Variants in SLC25A31 observed in about 807,000 individuals in gnomAD.
SLC25A31 encodes ADP/ATP translocase 4.
Under a neutral mutation model 36.2 loss-of-function variants are expected in SLC25A31, and 40 were observed. The observed-to-expected ratio is 1.10, with a 90% CI of 0.86 to 1.44. The LOEUF (loss-of-function observed/expected upper bound fraction) is 1.44. Among genes scored for constraint, SLC25A31 ranks in the 40% most tolerant of loss-of-function variants. The pLI, the probability that SLC25A31 is intolerant of heterozygous loss-of-function variation, is 0.00. For missense variants in SLC25A31, 350 were observed against 397.1 expected (o/e 0.88, Z 1.01); for synonymous variants, 143 against 149.7 (o/e 0.96, Z 0.32).
intron 1 of SLC25A31, among the ~76,000 whole-genome samples, chr4:127,734,899 G>A (rs35591965): frequency 0.18 from 27,363 of 151,998 alleles, 3,151 homozygotes; most frequent in Middle Eastern, 0.34. Context: ...GACATTAAGG[G>A]ATCCTGAAAA....
chr4:127,735,332 G>A (rs993415762), intron 1 of SLC25A31, among the ~76,000 whole-genome samples: 2 of 152,150 alleles, frequency 1.3e-5, no homozygotes, highest in African/African-American at 4.8e-5. Context: ...TTAGCAAGAT[G>A]TTTGAAAATA....
At chr4:127,772,693 T>A (rs1732385416) in intron 5 of SLC25A31, among the ~76,000 whole-genome samples, 1 of 152,122 alleles carries the variant, frequency 6.6e-6, no homozygotes, top group Admixed American at 6.5e-5. Flanking sequence ...CTTAAAAATT[T>A]AGGTAAGAGG....
intron 2 of SLC25A31, among the ~76,000 whole-genome samples, chr4:127,754,537 T>TA (rs35065040): frequency 4.4e-4 from 64 of 146,130 alleles, no homozygotes; most frequent in South Asian, 8.6e-4. Flanking sequence ...ACAATAGCTT[T>TA]AAAAAAAAAA....
Position 127,765,681 on chromosome 4 carries a change from T to C in SLC25A31, c.478+1321T>C, listed in dbSNP as rs28637613. Among the ~76,000 whole-genome samples, 577 of 152,096 alleles carry C rather than the reference T, an allele frequency of 3.8e-3. 3 individuals carry two copies. Among genetic ancestry groups the C allele is most frequent in the Middle Eastern group, 0.01 (3 of 294 alleles). Reference sequence around the variant, plus strand: ...GTCTAGTGGAGGACACAAGTAATAATAAATGAATAAATGACTAAAATATAT... The same window carrying C: ...GTCTAGTGGAGGACACAAGTAATAACAAATGAATAAATGACTAAAATATAT... On this transcript the variant is annotated intron_variant, in intron 3 of 5. Coordinates refer to ENST00000281154, the MANE Select transcript of SLC25A31 (RefSeq NM_031291.4).
chr4:127,770,937 GTTC>G (rs1200445399), intron 5 of SLC25A31, among the ~76,000 whole-genome samples: 7 of 131,430 alleles, frequency 5.3e-5, no homozygotes, highest in Non-Finnish European at 8.0e-5. Flanking sequence ...TTCCTCCTCT[GTTC>G]TTCTTCTTCT....
chr4:127,761,320 A>C (rs1028089445), intron 2 of SLC25A31, among the ~76,000 whole-genome samples: 3 of 152,218 alleles, frequency 2.0e-5, no homozygotes, highest in Admixed American at 2.0e-4. Flanking sequence ...GAAAGAAAAA[A>C]AGATTAAGTA....
rs894204627 is a variant in SLC25A31 at position 127,747,063 on chromosome 4, G to A, written c.360+2264G>A. ...CTCATTGCTTGTTTTTGTCAGCTTTGTCAAAGATTAGATGACTGTAGATGT... is the reference window on the plus strand; with the variant it reads ...CTCATTGCTTGTTTTTGTCAGCTTTATCAAAGATTAGATGACTGTAGATGT... On this transcript the variant is annotated intron_variant, in intron 2 of 5. Coordinates refer to ENST00000281154, the MANE Select transcript of SLC25A31 (RefSeq NM_031291.4). Among the ~76,000 whole-genome samples, 3 of 152,116 alleles carry A rather than the reference G, an allele frequency of 2.0e-5. No individual in the cohort carries two copies. The East Asian group carries it at 5.8e-4, about 29-fold the overall frequency.
At chr4:127,759,486 T>C (rs1732089301) in intron 2 of SLC25A31, among the ~76,000 whole-genome samples, 1 of 152,184 alleles carries the variant, frequency 6.6e-6, no homozygotes, top group Non-Finnish European at 1.5e-5. Context: ...GCTCTGGCTA[T>C]GACTTTCACC....
chr4:127,754,595 A>G (rs905205520), intron 2 of SLC25A31, among the ~76,000 whole-genome samples: 1 of 152,118 alleles, frequency 6.6e-6, no homozygotes, highest in African/African-American at 2.4e-5. Context: ...AAAGATCCAT[A>G]TACTGAAAAG....
At chr4:127,755,011 T>G (rs182641549) in intron 2 of SLC25A31, among the ~76,000 whole-genome samples, 2 of 152,178 alleles carry the variant, frequency 1.3e-5, no homozygotes, top group African/African-American at 4.8e-5. Flanking sequence ...GTCAGTTGAT[T>G]CTTGACAAAG....
intron 1 of SLC25A31, among the ~76,000 whole-genome samples, chr4:127,741,255 A>C (rs1352459314): frequency 6.6e-6 from 1 of 152,188 alleles, no homozygotes; most frequent in Admixed American, 6.5e-5. Flanking sequence ...AACTTAAGGT[A>C]CTATATTGAA....
intron 2 of SLC25A31, among the ~76,000 whole-genome samples, chr4:127,761,085 G>T (rs1732120054): frequency 6.6e-6 from 1 of 152,010 alleles, no homozygotes; most frequent in Admixed American, 6.6e-5. Context: ...TTACATAAAT[G>T]CAGGATCGTC....
At chr4:127,756,294 A>G (rs1732030044) in intron 2 of SLC25A31, among the ~76,000 whole-genome samples, 1 of 152,216 alleles carries the variant, frequency 6.6e-6, no homozygotes, top group African/African-American at 2.4e-5. Flanking sequence ...GTGACATGGA[A>G]TAACCAGCTA....
chr4:127,731,492 C>G (rs963614725), intron 1 of SLC25A31, among the ~76,000 whole-genome samples: 2 of 152,114 alleles, frequency 1.3e-5, no homozygotes, highest in African/African-American at 2.4e-5. Flanking sequence ...CACTTGAGCT[C>G]GAGCTCAGGA....
intron 2 of SLC25A31, among the ~76,000 whole-genome samples, chr4:127,755,409 T>C (rs575938561): frequency 6.6e-6 from 1 of 152,068 alleles, no homozygotes; most frequent in Non-Finnish European, 1.5e-5. Flanking sequence ...GGGGCTAATA[T>C]AAAAACTGTA....
chr4:127,738,988 G>C (rs1731685539), intron 1 of SLC25A31, among the ~76,000 whole-genome samples: 1 of 151,956 alleles, frequency 6.6e-6, no homozygotes, highest in South Asian at 2.1e-4. Context: ...TGAGCCTGTG[G>C]GTGTCATTAC....
chr4:127,734,580 AAAG>A (rs1731588973), intron 1 of SLC25A31, among the ~76,000 whole-genome samples: 1 of 150,388 alleles, frequency 6.6e-6, no homozygotes, highest in Non-Finnish European at 1.5e-5. Flanking sequence ...AAAAAAAAAA[AAAG>A]ATCCGTACAG....
At chr4:127,731,321 C>T (rs1731521249) in intron 1 of SLC25A31, among the ~76,000 whole-genome samples, 1 of 152,008 alleles carries the variant, frequency 6.6e-6, no homozygotes, top group Admixed American at 6.5e-5. Flanking sequence ...TCTGCTTATT[C>T]TACTGAAGAC....
intron 5 of SLC25A31, among the ~76,000 whole-genome samples, chr4:127,770,178 A>T (rs10026828): frequency 0.04 from 6,045 of 152,282 alleles, 421 homozygotes; most frequent in African/African-American, 0.14. Flanking sequence ...TTCTTTCTAT[A>T]GCTAGCTCTA....
Sources: allele counts gnomAD v4.1 joint callset (sites outside exome capture counted in the v4.1 genomes callset), GRCh38; gene constraint gnomAD v4.1.1; transcripts MANE v1.5; gene names NCBI Gene and HGNC (gene_info 2026-07-23, HGNC 2026-07-21).